GRIK3: variants seen among roughly 807,000 people sequenced by gnomAD.
GRIK3 encodes glutamate receptor ionotropic, kainate 3.
A neutral mutation model predicts 102.5 loss-of-function variants in GRIK3; 29 were observed. That is an observed-to-expected ratio of 0.28 (90% confidence interval 0.21 to 0.39). GRIK3 has a LOEUF of 0.39. Ranked by LOEUF, GRIK3 falls within the 10% of genes least tolerant of loss-of-function variation. GRIK3 has a pLI of 1.00. For missense variants in GRIK3, 908 were observed against 1,252.4 expected (o/e 0.73, Z 4.15); for synonymous variants, 511 against 504.9 (o/e 1.01, Z -0.16).
At position 36,852,893 on chromosome 1, in the gene GRIK3, C is replaced by T. The variant is rs959029124; in HGVS notation, c.1212+722G>A. On this transcript the variant is annotated intron_variant, in intron 8 of 15. Coordinates refer to ENST00000373091, the MANE Select transcript of GRIK3 (RefSeq NM_000831.4). ...GAATTGAGGGCTCGTATTAAATCTC[C>T]CTTCTTGGCCCAGCAGCCTGACATT... 5.3e-5 allele frequency among the ~76,000 whole-genome samples: 8 copies of T among 152,204 alleles called. No homozygotes were observed. The South Asian group carries it at 1.0e-3, about 20-fold the overall frequency.
At chr1:36,979,912 T>C (rs1642232569) in intron 1 of GRIK3, among the ~76,000 whole-genome samples, 2 of 152,176 alleles carry the variant, frequency 1.3e-5, no homozygotes, top group Admixed American at 1.3e-4. Context: ...GAATGTTCCC[T>C]AGAGTCCCCT....
At chr1:36,946,811 C>T (rs1244910355) in intron 1 of GRIK3, among the ~76,000 whole-genome samples, 1 of 152,104 alleles carries the variant, frequency 6.6e-6, no homozygotes, top group African/African-American at 2.4e-5. Flanking sequence ...TTCTGTGAGA[C>T]ACAAAAACCA....
chr1:36,800,057 G>T lies in GRIK3; in HGVS notation c.*1794C>A, dbSNP rs1017786501. The stretch of plus-strand genomic sequence containing the variant: ...GCTGCTAGGATTCTGGGAACCTGCT[G>T]GTTTGGTCCTGCAGCTCACAGTCTG... On this transcript the variant is annotated 3_prime_UTR_variant, in exon 16 of 16. Transcript: ENST00000373091. 2 of 152,196 alleles carry T rather than the reference G, an allele frequency of 1.3e-5. No homozygotes were observed. Among genetic ancestry groups the T allele is most frequent in the Non-Finnish European group, 2.9e-5 (2 of 68,056 alleles). The allele number at this position is 152,196 out of a possible 1,614,324, so 9.4% of individuals were successfully genotyped here.
rs1266408951 is a variant in GRIK3 at position 36,801,525 on chromosome 1, C to T, written c.*326G>A. ...TGTCTTCCATTTTCTGTGCCCTCTG[C>T]AGGGCTGCGGCAGAAACTTCTGACT... On this transcript the variant is annotated 3_prime_UTR_variant, in exon 16 of 16. Transcript: ENST00000373091. 1.2e-5 allele frequency: 3 copies of T among 240,232 alleles called. No homozygotes were observed. The highest frequency in any genetic ancestry group is 6.7e-5 in the African/African-American group (3 of 44,514). 14.9% of individuals were successfully genotyped at this position (240,232 alleles called of 1,614,324 possible).
intron 15 of GRIK3, chr1:36,804,634 G>A (rs943652425): frequency 2.3e-6 from 1 of 433,518 alleles, no homozygotes; most frequent in Non-Finnish European, 4.1e-6. Flanking sequence ...TACCCTGGAG[G>A]GTTTTATGCA....
chr1:37,000,241 T>C (rs1642461351), intron 1 of GRIK3, among the ~76,000 whole-genome samples: 1 of 152,226 alleles, frequency 6.6e-6, no homozygotes, highest in African/African-American at 2.4e-5. Context: ...CGGTTAAGGT[T>C]GACAAGACAG....
intron 11 of GRIK3, among the ~76,000 whole-genome samples, chr1:36,821,914 A>C (rs1342894311): frequency 2.0e-5 from 3 of 152,210 alleles, no homozygotes; most frequent in African/African-American, 7.2e-5. Flanking sequence ...AATATATAAC[A>C]TATATGATAT....
chr1:36,933,051 GTC>G, intron 1 of GRIK3, among the ~76,000 whole-genome samples: 1 of 152,286 alleles, frequency 6.6e-6, no homozygotes, highest in East Asian at 1.9e-4. Context: ...TCATTCTGCA[GTC>G]TGTTACATTG....
intron 1 of GRIK3, among the ~76,000 whole-genome samples, chr1:36,917,053 C>T (rs761572010): frequency 3.3e-5 from 5 of 152,176 alleles, no homozygotes; most frequent in Non-Finnish European, 5.9e-5. Context: ...GGTGGAGCTG[C>T]CAACGACCAT....
In GRIK3 at chr1:36,804,688, T is replaced by C. The variant is rs557632940; in HGVS notation, c.2565+299A>G. ...AATTAAGTTTTAAACAAGGTACCAGTTGCTGTGTGAATTGTGGATGGTGTT... is the reference window on the plus strand; with the variant it reads ...AATTAAGTTTTAAACAAGGTACCAGCTGCTGTGTGAATTGTGGATGGTGTT... On this transcript the variant is annotated intron_variant, in intron 15 of 15. Transcript: ENST00000373091. The C allele has an allele frequency of 4.7e-5, 24 of 510,046 alleles. 1 individual carries two copies. The East Asian group carries it at 7.2e-4, about 15-fold the overall frequency. 31.6% of individuals were successfully genotyped at this position (510,046 alleles called of 1,614,324 possible).
rs1329363127 is a variant in GRIK3, at chr1:36,799,210, T to C, written c.*2641A>G. On this transcript the variant is annotated 3_prime_UTR_variant, in exon 16 of 16. Transcript: ENST00000373091. ...ATCAGCAGCATGAGCCCCTGAAGGG[T>C]TGTGCCCCCGTCTCCTGGCAAGTGT... is the stretch of plus-strand genomic sequence containing the variant. 1.3e-5 allele frequency: 2 copies of C among 152,194 alleles called. No individual in the cohort carries two copies. The highest frequency in any genetic ancestry group is 2.9e-5 in the Non-Finnish European group (2 of 68,030). The allele number at this position is 152,194 out of a possible 1,614,324, so 9.4% of individuals were successfully genotyped here.
intron 1 of GRIK3, among the ~76,000 whole-genome samples, chr1:36,900,801 C>T (rs569203830): frequency 5.9e-5 from 9 of 152,048 alleles, no homozygotes; most frequent in Non-Finnish European, 8.8e-5. Flanking sequence ...ATTGATAGGC[C>T]TCTAATTTGG....
At chr1:36,804,961 T>C in intron 15 of GRIK3, 26 bp downstream of exon 15, 1 of 1,613,008 alleles carries the variant, frequency 6.2e-7, no homozygotes, top group South Asian at 1.1e-5. Context: ...TCCCATCCTG[T>C]GCAGGCTCCA....
At chr1:36,989,674 C>T (rs74613372) in intron 1 of GRIK3, among the ~76,000 whole-genome samples, 3,583 of 152,222 alleles carry the variant, frequency 0.024, 154 homozygotes, top group African/African-American at 0.082. Context: ...CAGTCTCTCC[C>T]GTGGCACAGT....
intron 1 of GRIK3, among the ~76,000 whole-genome samples, chr1:36,899,866 G>A (rs942960435): frequency 1.2e-4 from 18 of 152,164 alleles, no homozygotes; most frequent in African/African-American, 4.1e-4. Flanking sequence ...CCAAAAAGAC[G>A]TAACAATCTT....
At chr1:36,874,116 G>C (rs930300068) in intron 3 of GRIK3, among the ~76,000 whole-genome samples, 2 of 152,156 alleles carry the variant, frequency 1.3e-5, no homozygotes, top group African/African-American at 4.8e-5. Context: ...TCAATCAACT[G>C]TTACTCTATC....
chr1:36,828,285 A>C (rs1642778154), intron 10 of GRIK3, among the ~76,000 whole-genome samples: 9 of 152,184 alleles, frequency 5.9e-5, no homozygotes. Flanking sequence ...GAGATGTAGA[A>C]GGTCTTTGAT....
rs575306295 is a variant in GRIK3, at chr1:36,897,931, T to C, written c.116-6835A>G. Among the ~76,000 whole-genome samples the C allele has an allele frequency of 1.4e-4, 22 of 152,318 alleles. No individual in the cohort carries two copies. In the East Asian group the frequency reaches 1.7e-3, roughly 12 times the overall value. On this transcript the variant is annotated intron_variant, in intron 1 of 15. Coordinates refer to ENST00000373091, the MANE Select transcript of GRIK3 (RefSeq NM_000831.4). Reference sequence around the variant, plus strand: ...AGATGAATGGATAAAGAAAATGTGGTGCTTATACACAATGGAGTACTATTC... The same window carrying C: ...AGATGAATGGATAAAGAAAATGTGGCGCTTATACACAATGGAGTACTATTC...
intron 7 of GRIK3, among the ~76,000 whole-genome samples, chr1:36,858,192 G>A (rs1269474377): frequency 6.6e-6 from 1 of 152,186 alleles, no homozygotes; most frequent in Non-Finnish European, 1.5e-5. Flanking sequence ...TCTATCATCT[G>A]CTGGGATTTG....
Sources: allele counts gnomAD v4.1 joint callset (sites outside exome capture counted in the v4.1 genomes callset), GRCh38; gene constraint gnomAD v4.1.1; transcripts MANE v1.5; gene names NCBI Gene and HGNC (gene_info 2026-07-23, HGNC 2026-07-21).